CAMTA1: variants seen among roughly 807,000 people sequenced by gnomAD.
CAMTA1 encodes calmodulin-binding transcription activator 1.
CAMTA1 carries 27 observed loss-of-function variants against 170.9 expected under a neutral mutation model. That is an observed-to-expected ratio of 0.16 (90% CI 0.12 to 0.22). CAMTA1 has a LOEUF of 0.22. Ranked by LOEUF, CAMTA1 falls within the 10% of genes least tolerant of loss-of-function variation. CAMTA1 has a pLI of 1.00. For missense variants in CAMTA1, 1,619 were observed against 2,217.2 expected, an observed-to-expected ratio of 0.73 and a Z score of 5.42; for synonymous variants, 833 against 891.5, an observed-to-expected ratio of 0.93 and a Z score of 1.17.
chr1:7,426,322 G>A lies in CAMTA1; in HGVS notation c.439-41508G>A, dbSNP rs186470652. Among the ~76,000 whole-genome samples the A allele has an allele frequency of 1.7e-3, 263 of 152,294 alleles. 1 individual carries two copies. The highest frequency in any genetic ancestry group is 6.0e-3 in the African/African-American group (250 of 41,552). The stretch of plus-strand genomic sequence containing the variant: ...CTCAGAGTCCTAGGGTGCCCTGCCT[G>A]GTGGGTGCATGGGGCCAGCAAGGGC... On this transcript the variant is annotated intron_variant, in intron 5 of 22. Transcript: ENST00000303635. The surrounding 1 kb of genome is among the most constrained non-coding windows in gnomAD (Gnocchi z 4.8).
intron 4 of CAMTA1, among the ~76,000 whole-genome samples, chr1:7,207,258 C>T (rs1468171960): frequency 3.3e-5 from 5 of 152,118 alleles, no homozygotes; most frequent in African/African-American, 7.2e-5. Flanking sequence ...GCTTTCCACC[C>T]GCTTGGAAGA....
At position 7,663,971 on chromosome 1, in the gene CAMTA1, A is replaced by G. The variant is rs1171311207; in HGVS notation, c.1424A>G (p.Lys475Arg). ...VLSTTLDGGR[K>R]IPETTMNFDP... ...TCCACCACCCTCGACGGTGGCCGGA[A>G]GATTCCAGAAACCACCATGAACTTT... Residue 475 changes from lysine (K) to arginine (R), a missense_variant, in exon 9 of 23, where the codon AAG becomes AGG. Lys to Arg is a conservative substitution (Grantham distance 26, BLOSUM62 2). Coordinates refer to ENST00000303635, the MANE Select transcript of CAMTA1 (RefSeq NM_015215.4). 6.2e-6 allele frequency: 10 copies of G among 1,613,776 alleles called. No individual in the cohort carries two copies. The highest frequency in any genetic ancestry group is 8.5e-6 in the Non-Finnish European group (10 of 1,180,044).
chr1:7,186,577 C>T (rs1395985868), intron 4 of CAMTA1, among the ~76,000 whole-genome samples: 1 of 152,162 alleles, frequency 6.6e-6, no homozygotes, highest in Non-Finnish European at 1.5e-5. Flanking sequence ...CCTGGGTTCC[C>T]ATCAGCTCTG....
At chr1:7,188,967 C>T (rs781322986) in intron 4 of CAMTA1, among the ~76,000 whole-genome samples, 3 of 152,204 alleles carry the variant, frequency 2.0e-5, no homozygotes, top group Non-Finnish European at 4.4e-5. Flanking sequence ...TCCTCACCAA[C>T]TCTTGTTTTT....
intron 6 of CAMTA1, among the ~76,000 whole-genome samples, chr1:7,500,427 G>T (rs1034794109): frequency 6.6e-6 from 1 of 151,274 alleles, no homozygotes; most frequent in African/African-American, 2.4e-5. Context: ...GTGTGAGCCT[G>T]TTGTGTGTGT....
At chr1:6,995,289 T>C (rs546691126) in intron 3 of CAMTA1, among the ~76,000 whole-genome samples, 2 of 132,082 alleles carry the variant, frequency 1.5e-5, no homozygotes, top group Non-Finnish European at 3.1e-5. Context: ...ATCTTTTTTT[T>C]CTTTTCTTTT....
intron 5 of CAMTA1, among the ~76,000 whole-genome samples, chr1:7,313,705 T>C (rs1285135680): frequency 6.6e-6 from 1 of 152,224 alleles, no homozygotes; most frequent in Non-Finnish European, 1.5e-5. Flanking sequence ...TTTTAAAATA[T>C]GATACATATT....
intron 5 of CAMTA1, among the ~76,000 whole-genome samples, chr1:7,365,945 C>T (rs116276274): frequency 0.012 from 1,844 of 152,318 alleles, 35 homozygotes; most frequent in African/African-American, 0.042. Context: ...GTCTGAATCC[C>T]CAACCTGGGG....
At chr1:7,298,616 G>A (rs978516638) in intron 5 of CAMTA1, among the ~76,000 whole-genome samples, 2 of 152,092 alleles carry the variant, frequency 1.3e-5, no homozygotes, top group African/African-American at 4.8e-5. Context: ...AGGTTACCAA[G>A]GTCTCTTGTA....
At chr1:7,204,380 T>A (rs1657284680) in intron 4 of CAMTA1, among the ~76,000 whole-genome samples, 1 of 152,190 alleles carries the variant, frequency 6.6e-6, no homozygotes, top group South Asian at 2.1e-4. Flanking sequence ...TGTTTACCAA[T>A]ATTCGTATTT....
At position 6,934,896 on chromosome 1, in the gene CAMTA1, C is replaced by G. The variant is rs1382253417; in HGVS notation, c.234+109686C>G. ...TAAACTGTCAAAATAAAAAGTCCAC[C>G]AAACTCCTTAGGCCAGTCGAAAGCA... On this transcript the variant is annotated intron_variant, in intron 3 of 22. Transcript: ENST00000303635. The surrounding 1 kb of genome is among the most constrained non-coding windows in gnomAD (Gnocchi z 4.5). Among the ~76,000 whole-genome samples, 1 of 152,182 alleles carries G rather than the reference C, an allele frequency of 6.6e-6. No homozygotes were observed. Among genetic ancestry groups the G allele is most frequent in the Non-Finnish European group, 1.5e-5 (1 of 68,042 alleles).
In CAMTA1 at chr1:7,634,911, C is replaced by T. The variant is rs1356977555; in HGVS notation, c.511-5489C>T. On this transcript the variant is annotated intron_variant, in intron 6 of 22. Transcript: ENST00000303635. This position sits in a 1 kb window ranked among gnomAD's most constrained non-coding sequence, Gnocchi z 6.2. ...CAGCCCCAGTGAGAAAGAGGCGCAG[C>T]TTCCATGCTTATGGGTGAGGAGCCT... Among the ~76,000 whole-genome samples the T allele has an allele frequency of 6.6e-6, 1 of 152,192 alleles. No individual in the cohort carries two copies. The highest frequency in any genetic ancestry group is 1.5e-5 in the Non-Finnish European group (1 of 68,036).
chr1:7,057,139 G>T (rs921253139), intron 3 of CAMTA1, among the ~76,000 whole-genome samples: 3 of 152,190 alleles, frequency 2.0e-5, no homozygotes, highest in Non-Finnish European at 4.4e-5. Context: ...CTGAGATGGG[G>T]GTCTGGGCTC....
At chr1:7,494,531 C>T (rs1248711692) in intron 6 of CAMTA1, among the ~76,000 whole-genome samples, 3 of 152,076 alleles carry the variant, frequency 2.0e-5, no homozygotes, top group Non-Finnish European at 2.9e-5. Context: ...GGGCCGGGTG[C>T]GGTGGCTTAC....
At position 7,193,368 on chromosome 1, in the gene CAMTA1, T is replaced by C. The variant is rs72641235; in HGVS notation, c.303-56123T>C. ...CTCTGTCTCAAAAAAAAAAAAAAAG[T>C]CATTTGCTCTGTAGTGTCAGTTTCC... On this transcript the variant is annotated intron_variant, in intron 4 of 22. Transcript: ENST00000303635. Among the ~76,000 whole-genome samples, 602 of 148,958 alleles carry C rather than the reference T, an allele frequency of 4.0e-3. 4 individuals carry two copies. The highest frequency in any genetic ancestry group is 5.5e-3 in the Non-Finnish European group (372 of 67,206).
chr1:6,822,802 A>G (rs1355730342), intron 2 of CAMTA1, among the ~76,000 whole-genome samples: 2 of 140,062 alleles, frequency 1.4e-5, no homozygotes, highest in African/African-American at 5.0e-5. Flanking sequence ...TACCACACAC[A>G]CACACACACA....
chr1:7,260,863 G>A (rs1220856651), intron 5 of CAMTA1, among the ~76,000 whole-genome samples: 3 of 152,202 alleles, frequency 2.0e-5, no homozygotes, highest in Admixed American at 6.5e-5. Flanking sequence ...TGATGGATGC[G>A]AGAGGTAGAC....
chr1:7,164,524 T>G (rs979313783), intron 4 of CAMTA1, among the ~76,000 whole-genome samples: 1 of 152,220 alleles, frequency 6.6e-6, no homozygotes, highest in African/African-American at 2.4e-5. Flanking sequence ...GTGGCACCCC[T>G]GCAACACACA....
At chr1:7,485,949 T>A (rs1336945523) in intron 6 of CAMTA1, among the ~76,000 whole-genome samples, 2 of 152,244 alleles carry the variant, frequency 1.3e-5, no homozygotes, top group Non-Finnish European at 2.9e-5. Context: ...GCTGTTGGTG[T>A]CTGATCAGAG....
Sources: gnomAD v4.1 joint callset for allele counts (sites outside exome capture counted in the v4.1 genomes callset) on GRCh38, gnomAD v4.1.1 for gene constraint, Gnocchi (gnomAD v3.1) non-coding constraint, MANE v1.5 for transcripts, NCBI Gene and HGNC (gene_info 2026-07-23, HGNC 2026-07-21) for gene names.